The following PCDH15 variants were observed in gnomAD, a reference collection of about 807,000 sequenced individuals.
PCDH15 encodes the protein protocadherin related 15, also known as protocadherin-15.
In PCDH15, 129 loss-of-function variants were observed where a neutral mutation model predicts 178.5. The ratio of observed to expected loss-of-function variants is 0.72; its 90% CI spans 0.63 to 0.84. The LOEUF (loss-of-function observed/expected upper bound fraction) is 0.84, where lower values mean the gene tolerates loss of function less well. PCDH15 is among the 40% of genes least tolerant of loss of function. PCDH15 has a pLI of 0.00. For synonymous variants in PCDH15, 800 were observed against 732.0 expected, an observed-to-expected ratio of 1.09 and a Z score of -1.50; for missense variants, 2,230 against 2,099.9, an observed-to-expected ratio of 1.06 and a Z score of -1.21.
chr10:54,890,851 A>T (rs1395960773), intron 3 of PCDH15, among the ~76,000 whole-genome samples: 2 of 152,052 alleles, frequency 1.3e-5, no homozygotes, highest in Non-Finnish European at 2.9e-5. Flanking sequence ...ACTCATCTAG[A>T]CCTAAAGTTG....
chr10:53,826,130 T>G, intron 32 of PCDH15, among the ~76,000 whole-genome samples: 1 of 150,146 alleles, frequency 6.7e-6, no homozygotes, highest in Admixed American at 6.7e-5. Context: ...ATTCCTACAT[T>G]CACCAATAAT....
At chr10:54,528,289 G>T in intron 2 of PCDH15, 3 of 1,146,328 alleles carry the variant, frequency 2.6e-6, no homozygotes, top group South Asian at 1.4e-5. Context: ...TAATTAGAGA[G>T]AGTGAATAGA....
In PCDH15 at chr10:55,212,481, G is replaced by A. The variant is rs182395393; in HGVS notation, c.-155-45830C>T. Among the ~76,000 whole-genome samples the A allele has an allele frequency of 4.3e-4, 65 of 152,048 alleles. 1 individual carries two copies. Among genetic ancestry groups the A allele is most frequent in the African/African-American group, 1.5e-3 (61 of 41,432 alleles). ...TTGTTCTCCTTGACTGTGGCTGTGGGACAACGAACCTTGGGTGATACTCCA... is the reference window on the plus strand; with the variant it reads ...TTGTTCTCCTTGACTGTGGCTGTGGAACAACGAACCTTGGGTGATACTCCA... On this transcript the variant is annotated intron_variant, in intron 1 of 5. Transcript: ENST00000458638.
intron 1 of PCDH15, among the ~76,000 whole-genome samples, chr10:55,242,490 T>C (rs1332209949): frequency 6.6e-6 from 1 of 152,156 alleles, no homozygotes; most frequent in African/African-American, 2.4e-5. Flanking sequence ...CAATTTAATG[T>C]GTAAATATAT....
At chr10:54,382,340 G>C (rs938216939) in intron 3 of PCDH15, among the ~76,000 whole-genome samples, 1 of 152,022 alleles carries the variant, frequency 6.6e-6, no homozygotes, top group African/African-American at 2.4e-5. Flanking sequence ...TAAATTACAG[G>C]AGTTCATGTA....
chr10:54,049,795 CTT>C (rs1179489938), intron 18 of PCDH15, among the ~76,000 whole-genome samples: 1 of 151,700 alleles, frequency 6.6e-6, no homozygotes, highest in African/African-American at 2.4e-5. Context: ...TAATTTTTGT[CTT>C]TTTAGTAGAG....
intron 3 of PCDH15, among the ~76,000 whole-genome samples, chr10:54,891,837 G>A (rs1954467301): frequency 6.6e-6 from 1 of 152,038 alleles, no homozygotes; most frequent in Non-Finnish European, 1.5e-5. Flanking sequence ...TTTACAGCCA[G>A]CAGGATTCAA....
At chr10:53,980,845 C>T (rs2090578572) in intron 21 of PCDH15, among the ~76,000 whole-genome samples, 1 of 152,102 alleles carries the variant, frequency 6.6e-6, no homozygotes, top group African/African-American at 2.4e-5. Flanking sequence ...TTTATGACAT[C>T]TATTATAAAG....
chr10:54,017,933 G>A (rs952451135), intron 20 of PCDH15, among the ~76,000 whole-genome samples: 2 of 151,946 alleles, frequency 1.3e-5, no homozygotes, highest in African/African-American at 2.4e-5. Context: ...TTAACCTACT[G>A]GAAAAATACA....
chr10:54,649,384 A>T (rs1044348985), intron 2 of PCDH15, among the ~76,000 whole-genome samples: 3 of 151,472 alleles, frequency 2.0e-5, no homozygotes, highest in South Asian at 2.1e-4. Flanking sequence ...TAATGCTCTA[A>T]TTTTTCCTGG....
chr10:55,557,901 G>A (rs1187519470), intron 2 of PCDH15, among the ~76,000 whole-genome samples: 17 of 152,108 alleles, frequency 1.1e-4, no homozygotes, highest in Admixed American at 1.1e-3. Flanking sequence ...TTAAAGGGGA[G>A]AGAAAGAGCA....
intron 2 of PCDH15, among the ~76,000 whole-genome samples, chr10:55,385,258 C>T (rs765512022): frequency 1.3e-5 from 2 of 152,096 alleles, no homozygotes; most frequent in Non-Finnish European, 2.9e-5. Context: ...TTGGGGAAAA[C>T]TGCCAGTCTG....
chr10:54,396,570 C>T (rs538224452), intron 3 of PCDH15, among the ~76,000 whole-genome samples: 40 of 152,216 alleles, frequency 2.6e-4, no homozygotes, highest in Non-Finnish European at 5.3e-4. Flanking sequence ...ACTCACATTT[C>T]ATTCTCTTTC....
intron 2 of PCDH15, among the ~76,000 whole-genome samples, chr10:55,499,737 A>G (rs1487389221): frequency 1.3e-5 from 2 of 151,890 alleles, no homozygotes; most frequent in East Asian, 3.9e-4. Flanking sequence ...TTAAATAGCA[A>G]GTTAAAATAA....
At position 54,153,236 on chromosome 10, in the gene PCDH15, C is replaced by T. The variant is rs1273594039; in HGVS notation, c.1648G>A (p.Val550Ile). The change falls in exon 14 of 38, where the codon GTT (valine) becomes ATT (isoleucine). Residue 550 changes from valine (V) to isoleucine (I), a missense_variant. By Grantham distance (29) the Val-to-Ile change is conservative (BLOSUM62 3). Transcript: ENST00000644397. ...ATGATGAAGTCTCCCTGAGCCCCAACAAGGATTTCATATGTGATCTCCCCA... is the reference window on the plus strand; with the variant it reads ...ATGATGAAGTCTCCCTGAGCCCCAATAAGGATTTCATATGTGATCTCCCCA... ...SNGEITYEILVGAQGDFIINK... is the reference protein window; with the variant it reads ...SNGEITYEILIGAQGDFIINK... 6.2e-7 allele frequency: 1 copy of T among 1,613,858 alleles called. No individual in the cohort carries two copies. The highest frequency in any genetic ancestry group is 1.7e-5 in the Admixed American group (1 of 59,978).
At chr10:53,994,907 A>C (rs1049211433) in intron 21 of PCDH15, 1 of 152,126 alleles carries the variant, frequency 6.6e-6, no homozygotes, top group African/African-American at 2.4e-5. Context: ...TCAGGATTTT[A>C]TTTTCTTACT....
At chr10:53,868,275 T>G (rs1472868965) in intron 26 of PCDH15, among the ~76,000 whole-genome samples, 2 of 152,068 alleles carry the variant, frequency 1.3e-5, no homozygotes, top group African/African-American at 4.8e-5. Context: ...CTATTATTAT[T>G]AAGTATGAGT....
At chr10:54,271,298 C>A (rs570304940) in intron 8 of PCDH15, among the ~76,000 whole-genome samples, 5 of 152,176 alleles carry the variant, frequency 3.3e-5, no homozygotes, top group South Asian at 4.1e-4. Flanking sequence ...GCAACCTCCA[C>A]CTCCCGGGTT....
chr10:54,995,629 T>TCC (rs11407389), intron 2 of PCDH15, among the ~76,000 whole-genome samples: 106 of 149,180 alleles, frequency 7.1e-4, no homozygotes, highest in Admixed American at 1.5e-3. Flanking sequence ...AAATTAACCC[T>TCC]CCCCCCCACG....
Sources: gnomAD v4.1 joint callset for allele counts (sites outside exome capture counted in the v4.1 genomes callset) on GRCh38, gnomAD v4.1.1 for gene constraint, MANE v1.5 for transcripts, NCBI Gene and HGNC (gene_info 2026-07-23, HGNC 2026-07-21) for gene names.